CACNA2D2: variants seen among roughly 807,000 people sequenced by gnomAD.
CACNA2D2 encodes voltage-dependent calcium channel subunit alpha-2/delta-2.
A neutral mutation model predicts 166.4 loss-of-function variants in CACNA2D2; 48 were observed. The observed-to-expected ratio is 0.29, with a 90% CI of 0.23 to 0.37. The LOEUF (loss-of-function observed/expected upper bound fraction) is 0.37. Ranked by LOEUF, CACNA2D2 falls within the 10% of genes least tolerant of loss-of-function variation. The probability of loss-of-function intolerance (pLI) is 1.00; values close to 1 mark genes in which losing one functional copy is unlikely to be tolerated. For missense variants in CACNA2D2, 1,122 were observed against 1,433.0 expected (o/e 0.78, Z 3.50); for synonymous variants, 561 against 573.7 (o/e 0.98, Z 0.32).
rs543435021 is a variant in CACNA2D2, at chr3:50,408,358, G to A, written c.406-14190C>T. Among the ~76,000 whole-genome samples the A allele has an allele frequency of 9.2e-5, 14 of 152,352 alleles. No homozygotes were observed. The South Asian group carries it at 2.3e-3, about 25-fold the overall frequency. On this transcript the variant is annotated intron_variant, in intron 3 of 37. Coordinates refer to ENST00000424201, the MANE Select transcript of CACNA2D2 (RefSeq NM_006030.4). ...GGCTGTCACTCTGCTGGATGTGGAC[G>A]CCTGAGGCTCCACCTTGTCGCTGCC... is the stretch of plus-strand genomic sequence containing the variant.
intron 3 of CACNA2D2, chr3:50,416,014 GC>G (rs1374838005): frequency 5.9e-5 from 9 of 152,264 alleles, no homozygotes; most frequent in Non-Finnish European, 1.5e-5. Context: ...CTTAGCTTCT[GC>G]CCTGCAGCCT....
chr3:50,453,833 G>C (rs1030614321), intron 2 of CACNA2D2, among the ~76,000 whole-genome samples: 4 of 152,160 alleles, frequency 2.6e-5, no homozygotes, highest in African/African-American at 7.2e-5. Context: ...GGAATGGTGA[G>C]GGCCACGGCT....
intron 3 of CACNA2D2, among the ~76,000 whole-genome samples, chr3:50,399,726 C>T (rs1361610520): frequency 2.0e-5 from 3 of 152,190 alleles, no homozygotes; most frequent in African/African-American, 4.8e-5. Flanking sequence ...GGCATCAAAC[C>T]CAGGTTCGCC....
At chr3:50,397,478 G>C (rs928985170) in intron 3 of CACNA2D2, among the ~76,000 whole-genome samples, 21 of 152,142 alleles carry the variant, frequency 1.4e-4, no homozygotes, top group African/African-American at 4.8e-4. Flanking sequence ...GTGTGCATGA[G>C]GGGCCCTGAG....
chr3:50,443,685 G>A (rs1283407237), intron 2 of CACNA2D2, among the ~76,000 whole-genome samples: 1 of 152,244 alleles, frequency 6.6e-6, no homozygotes, highest in Non-Finnish European at 1.5e-5. Context: ...AACAGCCCAA[G>A]TAGACAGACC....
chr3:50,420,502 T>C (rs1416425801), intron 3 of CACNA2D2, among the ~76,000 whole-genome samples: 1 of 152,154 alleles, frequency 6.6e-6, no homozygotes, highest in Non-Finnish European at 1.5e-5. Context: ...TGATGCTTGG[T>C]CAGGGCCAAG....
Position 50,478,969 on chromosome 3 carries a change from G to C in CACNA2D2, c.207-2770C>G, listed in dbSNP as rs1460470686. 2.0e-5 allele frequency among the ~76,000 whole-genome samples: 3 copies of C among 152,122 alleles called. No homozygotes were observed. In the South Asian group the frequency reaches 6.2e-4, roughly 32 times the overall value. ...GTATGTCTATAGGTCCCTGCTTCTA[G>C]GATTTCACAGTTAAGTAAAAGAAAA... On this transcript the variant is annotated intron_variant, in intron 1 of 37. Coordinates refer to ENST00000424201, the MANE Select transcript of CACNA2D2 (RefSeq NM_006030.4).
Position 50,379,681 on chromosome 3 carries a change from G to C in CACNA2D2, c.993+44C>G, listed in dbSNP as rs767121805. ...TGGTGATGGTCACAGGAGCAGGGCAGATGGGGTGACCCATTTCACCCCGTC... is the reference window on the plus strand; with the variant it reads ...TGGTGATGGTCACAGGAGCAGGGCACATGGGGTGACCCATTTCACCCCGTC... On this transcript the variant is annotated intron_variant, in intron 10 of 37. Transcript: ENST00000424201. The surrounding 1 kb of genome is among the most constrained non-coding windows in gnomAD (Gnocchi z 6.5). The C allele has an allele frequency of 5.2e-5, 84 of 1,612,472 alleles. 1 individual carries two copies. In the East Asian group the frequency reaches 1.8e-3, roughly 35 times the overall value.
At chr3:50,426,650 T>G (rs911351429) in intron 3 of CACNA2D2, among the ~76,000 whole-genome samples, 1 of 152,082 alleles carries the variant, frequency 6.6e-6, no homozygotes, top group Non-Finnish European at 1.5e-5. Context: ...TTATTTTGAC[T>G]AGTAGGTGCT....
intron 2 of CACNA2D2, among the ~76,000 whole-genome samples, chr3:50,435,181 C>T (rs1708255999): frequency 2.0e-5 from 3 of 151,478 alleles, no homozygotes. Flanking sequence ...CGTTTGTGTG[C>T]ACGTGCCTGC....
Position 50,370,325 on chromosome 3 carries a change from A to G in CACNA2D2, c.2040T>C (p.Ala680=). The part of the protein sequence containing the change: ...SFESEGHVFI[A]PREYCKDLNA... ...CAAGGCCACACGCAAGCTACCTGGG[A>G]GCAATGAAAACGTGTCCTTCAGACT... The change falls in exon 23 of 38, where the codon GCT becomes GCC. Residue 680 remains alanine (A), a synonymous_variant. Transcript: ENST00000424201. The G allele has an allele frequency of 6.3e-7, 1 of 1,582,770 alleles. No individual in the cohort carries two copies. The highest frequency in any genetic ancestry group is 1.4e-5 in the African/African-American group (1 of 73,868).
chr3:50,397,007 G>T (rs776104099), intron 3 of CACNA2D2, among the ~76,000 whole-genome samples: 1 of 152,186 alleles, frequency 6.6e-6, no homozygotes, highest in Non-Finnish European at 1.5e-5. Context: ...ACTCCTGGCT[G>T]GGGGGTTCCA....
At chr3:50,444,285 A>G (rs1327964387) in intron 2 of CACNA2D2, among the ~76,000 whole-genome samples, 2 of 152,188 alleles carry the variant, frequency 1.3e-5, no homozygotes, top group Non-Finnish European at 2.9e-5. Context: ...AGATGAGGAT[A>G]CTGAGGCGCC....
chr3:50,364,069 T>C lies in CACNA2D2; in HGVS notation c.*597A>G. 6.5e-6 allele frequency: 1 copy of C among 153,084 alleles called. No individual in the cohort carries two copies. The highest frequency in any genetic ancestry group is 1.5e-5 in the Non-Finnish European group (1 of 68,734). The allele number at this position is 153,084 out of a possible 1,614,324, so 9.5% of individuals were successfully genotyped here. A position where few individuals can be genotyped will look rare whatever the true frequency, so the allele number is the denominator to read the frequency against. On this transcript the variant is annotated 3_prime_UTR_variant, in exon 38 of 38. Coordinates refer to ENST00000424201, the MANE Select transcript of CACNA2D2 (RefSeq NM_006030.4). ...CAGTTTCCATCCTCAATGTTCCAGG[T>C]GTATATGGGGTAGTGTCTGAACTGG...
rs190831886 is a variant in CACNA2D2 at position 50,488,269 on chromosome 3, A to G, written c.207-12070T>C. ...CTGCAGAATTCCTACCCTCAAGTAC[A>G]TGGGAGCACCTCCACACACTGGATG... On this transcript the variant is annotated intron_variant, in intron 1 of 37. Coordinates refer to ENST00000424201, the MANE Select transcript of CACNA2D2 (RefSeq NM_006030.4). 2.6e-4 allele frequency among the ~76,000 whole-genome samples: 40 copies of G among 152,264 alleles called. 1 individual carries two copies. The highest frequency in any genetic ancestry group is 8.4e-4 in the African/African-American group (35 of 41,540).
intron 4 of CACNA2D2, among the ~76,000 whole-genome samples, chr3:50,389,167 C>T (rs935806262): frequency 3.9e-5 from 6 of 152,176 alleles, no homozygotes; most frequent in Admixed American, 2.0e-4. Context: ...GGGGCGGGGG[C>T]GGAGGCCGGG....
chr3:50,489,603 G>A (rs1384349168), intron 1 of CACNA2D2, among the ~76,000 whole-genome samples: 4 of 143,156 alleles, frequency 2.8e-5, no homozygotes, highest in African/African-American at 8.2e-5. Flanking sequence ...TGGGGCTGCC[G>A]GGAGCCTCCA....
chr3:50,398,106 C>A (rs188372296), intron 3 of CACNA2D2, among the ~76,000 whole-genome samples: 2 of 152,122 alleles, frequency 1.3e-5, no homozygotes, highest in East Asian at 3.9e-4. Flanking sequence ...GGCCCAGAGG[C>A]GAGGGAAGAA....
chr3:50,379,994 G>C lies in CACNA2D2; in HGVS notation c.867C>G (p.Pro289=). Residue 289 remains proline, a synonymous_variant, in exon 9 of 38, where the codon CCC becomes CCG. Transcript: ENST00000424201. This position sits in a 1 kb window ranked among gnomAD's most constrained non-coding sequence, Gnocchi z 6.5. ...RPWYIQGASS[P]KDMVIIVDVS... ...CATCCACGATGATGACCATGTCTTT[G>C]GGTGACGAGGCCCCCTGGATATACC... 1.2e-6 allele frequency: 2 copies of C among 1,614,064 alleles called. No homozygotes were observed. The highest frequency in any genetic ancestry group is 1.3e-5 in the African/African-American group (1 of 75,032).
Sources: allele counts gnomAD v4.1 joint callset (sites outside exome capture counted in the v4.1 genomes callset), GRCh38; gene constraint gnomAD v4.1.1; non-coding constraint Gnocchi (gnomAD v3.1); transcripts MANE v1.5; gene names NCBI Gene and HGNC (gene_info 2026-07-23, HGNC 2026-07-21).